The following C12orf42 variants were observed in gnomAD, a reference collection of about 807,000 sequenced individuals.
The protein encoded by C12orf42 is chromosome 12 open reading frame 42, also known as uncharacterized protein C12orf42.
Under a neutral mutation model 21.6 loss-of-function variants are expected in C12orf42, and 25 were observed. The ratio of observed to expected loss-of-function variants is 1.16; its 90% CI spans 0.84 to 1.62. C12orf42 has a LOEUF of 1.62. Among genes scored for constraint, C12orf42 ranks in the 40% most tolerant of loss-of-function variants. The pLI, the probability that C12orf42 is intolerant of heterozygous loss-of-function variation, is 0.00. For synonymous variants in C12orf42, 174 were observed against 175.0 expected, an observed-to-expected ratio of 0.99 and a Z score of 0.05; for missense variants, 483 against 459.3, an observed-to-expected ratio of 1.05 and a Z score of -0.47.
intron 10 of C12orf42, among the ~76,000 whole-genome samples, chr12:103,254,163 AGAAAT>A (rs1802065685): frequency 1.3e-5 from 2 of 152,176 alleles, no homozygotes; most frequent in South Asian, 4.1e-4. Flanking sequence ...ATAAGGTGTA[AGAAAT>A]GAGTCCAGTT....
chr12:103,549,677 G>A, the C12orf42 span: 11 of 152,166 alleles, frequency 7.2e-5, no homozygotes, highest in Non-Finnish European at 1.2e-4. Context: ...TGGATTTTCT[G>A]AACATGGTAG....
At chr12:103,478,803 G>A (rs1233764630) in intron 1 of C12orf42, among the ~76,000 whole-genome samples, 1 of 151,994 alleles carries the variant, frequency 6.6e-6, no homozygotes, top group Non-Finnish European at 1.5e-5. Flanking sequence ...GCACTGTAAT[G>A]ATGTCTTTTA....
intron 3 of C12orf42, among the ~76,000 whole-genome samples, chr12:103,382,001 G>A (rs183119174): frequency 9.5e-4 from 144 of 152,186 alleles, no homozygotes; most frequent in Non-Finnish European, 1.1e-3. Flanking sequence ...CTACTTGATT[G>A]GATAGTTATG....
chr12:103,256,885 C>T (rs1329181566), intron 10 of C12orf42, among the ~76,000 whole-genome samples: 1 of 152,166 alleles, frequency 6.6e-6, no homozygotes, highest in African/African-American at 2.4e-5. Context: ...AGTGTATAGA[C>T]ATTCCCTTTT....
chr12:103,379,950 G>A (rs930281939), intron 3 of C12orf42, among the ~76,000 whole-genome samples: 3 of 152,170 alleles, frequency 2.0e-5, no homozygotes, highest in Non-Finnish European at 2.9e-5. Flanking sequence ...GAAGCCAAGC[G>A]ATAATGCAGC....
chr12:103,078,319 G>T, the C12orf42 span, among the ~76,000 whole-genome samples: 1 of 152,162 alleles, frequency 6.6e-6, no homozygotes, highest in African/African-American at 2.4e-5. Flanking sequence ...CAGCAAGTGG[G>T]ATTCAAAGCA....
chr12:103,231,190 G>C, the C12orf42 span, among the ~76,000 whole-genome samples: 1 of 152,188 alleles, frequency 6.6e-6, no homozygotes, highest in Non-Finnish European at 1.5e-5. Flanking sequence ...AAATTGAGCA[G>C]AAAGTGTAGA....
chr12:103,473,248 T>G (rs556151590), intron 2 of C12orf42, among the ~76,000 whole-genome samples: 1 of 152,322 alleles, frequency 6.6e-6, no homozygotes, highest in East Asian at 1.9e-4. Flanking sequence ...CTGCCTCCTA[T>G]TTTTGTTATG....
chr12:103,232,349 G>A, the C12orf42 span, among the ~76,000 whole-genome samples: 23 of 151,936 alleles, frequency 1.5e-4, no homozygotes, highest in Admixed American at 9.8e-4. Context: ...TGGATTGTGC[G>A]TTTGAAGTTT....
chr12:103,082,527 G>T, the C12orf42 span, among the ~76,000 whole-genome samples: 1,617 of 152,120 alleles, frequency 0.011, 12 homozygotes, highest in South Asian at 0.019. Flanking sequence ...AATATCTGTT[G>T]AACATCTACT....
the C12orf42 span, among the ~76,000 whole-genome samples, chr12:103,524,962 T>TTTG: frequency 2.1e-4 from 5 of 23,374 alleles, no homozygotes; most frequent in African/African-American, 7.1e-4. Context: ...TTAGTTTTTT[T>TTTG]GGGGGGGGGG....
the C12orf42 span, among the ~76,000 whole-genome samples, chr12:103,072,444 TAA>T: frequency 2.1e-5 from 3 of 140,820 alleles, no homozygotes; most frequent in Admixed American, 7.2e-5. Flanking sequence ...TGTTCTCAGC[TAA>T]AAAAAAAAAA....
the C12orf42 span, among the ~76,000 whole-genome samples, chr12:103,214,181 T>C: frequency 6.6e-6 from 1 of 152,234 alleles, no homozygotes; most frequent in African/African-American, 2.4e-5. Context: ...ATAATTACAC[T>C]ATAGCTTCCA....
chr12:103,215,569 G>A, the C12orf42 span, among the ~76,000 whole-genome samples: 1 of 152,058 alleles, frequency 6.6e-6, no homozygotes, highest in East Asian at 1.9e-4. Context: ...ATCTCTCTTT[G>A]CCCAGACAGC....
Position 103,368,992 on chromosome 12 carries a change from G to A in C12orf42, c.154C>T (p.Pro52Ser). Residue 52 changes from proline (P) to serine (S), a missense_variant, in exon 4 of 6, where the codon CCT (proline) becomes TCT (serine). By Grantham distance (74) the Pro-to-Ser change is moderately conservative (BLOSUM62 -1). Coordinates refer to ENST00000548883, the MANE Select transcript of C12orf42 (RefSeq NM_198521.5). The part of the protein sequence containing the change: ...DRSTPSAKHI[P>S]CYERTSVPCS... ...GGTACTGAAGTTCTTTCATAACAAGGGATGTGCTGTAAGATAGAGGAGAAA... is the reference window on the plus strand; with the variant it reads ...GGTACTGAAGTTCTTTCATAACAAGAGATGTGCTGTAAGATAGAGGAGAAA... 6.4e-7 allele frequency: 1 copy of A among 1,571,532 alleles called. No homozygotes were observed. The highest frequency in any genetic ancestry group is 8.7e-7 in the Non-Finnish European group (1 of 1,150,650).
At chr12:103,169,135 G>T in the C12orf42 span, among the ~76,000 whole-genome samples, 1 of 150,592 alleles carries the variant, frequency 6.6e-6, no homozygotes, top group Non-Finnish European at 1.5e-5. Context: ...GTTCTGCACG[G>T]ATATTCCAGA....
At chr12:103,171,516 A>T in the C12orf42 span, among the ~76,000 whole-genome samples, 1 of 152,170 alleles carries the variant, frequency 6.6e-6, no homozygotes, top group Non-Finnish European at 1.5e-5. Flanking sequence ...AATTGATTGG[A>T]TCTGAGAAAT....
chr12:103,235,586 A>G (rs2033442473), downstream of C12orf42, among the ~76,000 whole-genome samples: 1 of 152,130 alleles, frequency 6.6e-6, no homozygotes, highest in Non-Finnish European at 1.5e-5. Context: ...TAACTTCCTC[A>G]TGTGTTTATG....
intron 4 of C12orf42, among the ~76,000 whole-genome samples, chr12:103,294,617 A>AAAGGAAGAAAGAAAGAAAGAAAGG (rs1491417237): frequency 6.9e-6 from 1 of 145,548 alleles, no homozygotes; most frequent in Non-Finnish European, 1.5e-5. Flanking sequence ...AGAAAGAAAG[A>AAAGGAAGAAAGAAAGAAAGAAAGG]AAGAAAGAAA....
Sources: allele counts gnomAD v4.1 joint callset (sites outside exome capture counted in the v4.1 genomes callset), GRCh38; gene constraint gnomAD v4.1.1; transcripts MANE v1.5; gene names NCBI Gene and HGNC (gene_info 2026-07-23, HGNC 2026-07-21).